PTPRG: variants seen among roughly 807,000 people sequenced by gnomAD.
The protein encoded by PTPRG is protein tyrosine phosphatase receptor type G, also known as receptor-type tyrosine-protein phosphatase gamma.
A neutral mutation model predicts 165.3 loss-of-function variants in PTPRG; 102 were observed. The observed-to-expected ratio is 0.62, with a 90% confidence interval of 0.53 to 0.73. The LOEUF is 0.73. Ranked by LOEUF, PTPRG falls within the 30% of genes least tolerant of loss-of-function variation. PTPRG has a pLI of 0.00. For missense variants in PTPRG, 1,866 were observed against 1,861.4 expected (o/e 1.00, Z -0.05); for synonymous variants, 675 against 669.5 (o/e 1.01, Z -0.13).
chr3:61,773,226 GA>G (rs1037549209), intron 2 of PTPRG, among the ~76,000 whole-genome samples: 9 of 151,864 alleles, frequency 5.9e-5, no homozygotes, highest in Admixed American at 3.9e-4. Context: ...AAATTGTTCA[GA>G]AAAAAAGTGA....
At chr3:62,132,536 T>C in intron 5 of PTPRG, 66 bp from the exon 6 acceptor site, 1 of 1,294,782 alleles carries the variant, frequency 7.7e-7, no homozygotes, top group Non-Finnish European at 1.1e-6. Flanking sequence ...CTTTAGAAGA[T>C]TAAACTGAGA....
chr3:61,746,245 ATCT>A (rs1466027815), intron 1 of PTPRG, among the ~76,000 whole-genome samples: 1 of 124,976 alleles, frequency 8.0e-6, no homozygotes. Context: ...TTGAGACAGA[ATCT>A]CGCTGTGTCT....
chr3:62,032,765 A>G (rs1699811475), intron 4 of PTPRG, among the ~76,000 whole-genome samples: 1 of 152,170 alleles, frequency 6.6e-6, no homozygotes, highest in African/African-American at 2.4e-5. Flanking sequence ...TATATTTTTT[A>G]TGGCTGGAAA....
chr3:61,661,948 AT>A lies in PTPRG; in HGVS notation c.86-86922del, dbSNP rs1217412677. Reference sequence around the variant, plus strand: ...CACCAGGCTTAATGCCTCATCAAGTATTTTTTTTCTTTATTATTTATACATG... The same window carrying A: ...CACCAGGCTTAATGCCTCATCAAGTATTTTTTTCTTTATTATTTATACATG... On this transcript the variant is annotated intron_variant, in intron 1 of 29. Transcript: ENST00000474889. Among the ~76,000 whole-genome samples the A allele has an allele frequency of 1.8e-4, 27 of 152,144 alleles. No individual in the cohort carries two copies. The South Asian group carries it at 2.5e-3, about 14-fold the overall frequency.
At chr3:61,601,270 A>G (rs917212836) in intron 1 of PTPRG, among the ~76,000 whole-genome samples, 2 of 152,174 alleles carry the variant, frequency 1.3e-5, no homozygotes, top group African/African-American at 4.8e-5. Context: ...AGCAAAACAG[A>G]GCAAAACAAA....
chr3:61,846,380 A>G (rs1205176436), intron 2 of PTPRG, among the ~76,000 whole-genome samples: 1 of 152,138 alleles, frequency 6.6e-6, no homozygotes, highest in East Asian at 1.9e-4. Context: ...TTTCTTATTT[A>G]AATTGTAAAG....
chr3:62,107,538 G>A (rs927837484), intron 5 of PTPRG, among the ~76,000 whole-genome samples: 3 of 152,164 alleles, frequency 2.0e-5, no homozygotes, highest in African/African-American at 7.2e-5. Context: ...TATAAAATGG[G>A]TTAAGACCCC....
rs962477892 is a variant in PTPRG at position 62,229,976 on chromosome 3, T to C, written c.2289-1249T>C. On this transcript the variant is annotated intron_variant, in intron 13 of 29. Transcript: ENST00000474889. This position sits in a 1 kb window ranked among gnomAD's most constrained non-coding sequence, Gnocchi z 4.6. ...GCAAATTTCAAGTTTTTATGAGAAT[T>C]TGTAAAAACATTCCAACACACTCAT... Among the ~76,000 whole-genome samples the C allele has an allele frequency of 1.3e-5, 2 of 152,224 alleles. No individual in the cohort carries two copies. The highest frequency in any genetic ancestry group is 2.4e-5 in the African/African-American group (1 of 41,458).
intron 2 of PTPRG, among the ~76,000 whole-genome samples, chr3:61,981,044 A>G (rs116166974): frequency 0.027 from 4,182 of 152,328 alleles, 209 homozygotes; most frequent in African/African-American, 0.094. Flanking sequence ...AAGAGGTTCA[A>G]TTGACTCATA....
chr3:61,575,401 TA>T (rs903972462), intron 1 of PTPRG, among the ~76,000 whole-genome samples: 1 of 151,378 alleles, frequency 6.6e-6, no homozygotes, highest in African/African-American at 2.4e-5. Flanking sequence ...AATGTGTATT[TA>T]AAAAAAAATG....
intron 1 of PTPRG, among the ~76,000 whole-genome samples, chr3:61,718,227 A>C (rs1022436823): frequency 1.3e-5 from 2 of 151,852 alleles, no homozygotes; most frequent in African/African-American, 4.8e-5. Context: ...AAAAAAAAAA[A>C]AACGCAGACT....
chr3:62,003,861 G>A (rs959510071), intron 4 of PTPRG, among the ~76,000 whole-genome samples: 2 of 152,212 alleles, frequency 1.3e-5, no homozygotes, highest in Non-Finnish European at 2.9e-5. Flanking sequence ...AAATAGAAAA[G>A]TTGGCAACAT....
Position 62,267,390 on chromosome 3 carries a change from T to A in PTPRG, c.2657-20T>A, listed in dbSNP as rs1377548265. 1 of 1,541,676 alleles carries A rather than the reference T, an allele frequency of 6.5e-7. No individual in the cohort carries two copies. Among genetic ancestry groups the A allele is most frequent in the Admixed American group, 1.9e-5 (1 of 53,584 alleles). The stretch of plus-strand genomic sequence containing the variant: ...TGAATTATCCATTTTATTTCTGTTT[T>A]TTTTTCTTATCTTCTATAGATGATC... On this transcript the variant is annotated intron_variant, in intron 17 of 29. Coordinates refer to ENST00000474889, the MANE Select transcript of PTPRG (RefSeq NM_002841.4).
chr3:61,724,078 G>T (rs200993917), intron 1 of PTPRG, among the ~76,000 whole-genome samples: 4 of 151,888 alleles, frequency 2.6e-5, no homozygotes, highest in Admixed American at 6.6e-5. Context: ...CTAAAAATAC[G>T]AAAATTAGCC....
At chr3:61,906,164 G>C (rs2038644228) in intron 2 of PTPRG, among the ~76,000 whole-genome samples, 1 of 151,642 alleles carries the variant, frequency 6.6e-6, no homozygotes, top group African/African-American at 2.4e-5. Flanking sequence ...AAAAATTATA[G>C]GGACTTGGGG....
chr3:62,137,395 G>C (rs1337575162), intron 6 of PTPRG, among the ~76,000 whole-genome samples: 1 of 152,156 alleles, frequency 6.6e-6, no homozygotes, highest in Non-Finnish European at 1.5e-5. Context: ...CTAAGTGAGA[G>C]GCAAGAGGTC....
intron 1 of PTPRG, among the ~76,000 whole-genome samples, chr3:61,639,242 T>C (rs1182089732): frequency 1.3e-5 from 2 of 152,220 alleles, no homozygotes; most frequent in African/African-American, 4.8e-5. Flanking sequence ...ATTTCTGGGT[T>C]CTCCATTCTG....
At chr3:61,771,624 G>A (rs1239484631) in intron 2 of PTPRG, among the ~76,000 whole-genome samples, 1 of 152,130 alleles carries the variant, frequency 6.6e-6, no homozygotes, top group African/African-American at 2.4e-5. Context: ...AATAATTATT[G>A]TAACTATGCA....
chr3:61,773,347 AAG>A (rs1468570981), intron 2 of PTPRG, among the ~76,000 whole-genome samples: 1 of 152,218 alleles, frequency 6.6e-6, no homozygotes, highest in Non-Finnish European at 1.5e-5. Flanking sequence ...GCTGAAGAGG[AAG>A]AGGAAAGATA....
Sources: gnomAD v4.1 joint callset for allele counts (sites outside exome capture counted in the v4.1 genomes callset) on GRCh38, gnomAD v4.1.1 for gene constraint, Gnocchi (gnomAD v3.1) non-coding constraint, MANE v1.5 for transcripts, NCBI Gene and HGNC (gene_info 2026-07-23, HGNC 2026-07-21) for gene names.